The following SYT1 variants were observed in gnomAD, a reference collection of about 807,000 sequenced individuals.
The protein encoded by SYT1 is synaptotagmin 1.
In SYT1, 8 loss-of-function variants were observed where a neutral mutation model predicts 44.8. That is an observed-to-expected ratio of 0.18 (90% confidence interval 0.10 to 0.32). The LOEUF (loss-of-function observed/expected upper bound fraction) is 0.32, where lower values mean the gene tolerates loss of function less well. SYT1 is among the 10% of genes least tolerant of loss of function. The pLI is 1.00. For synonymous variants in SYT1, 154 were observed against 188.8 expected (o/e 0.82, Z 1.51); for missense variants, 286 against 509.3 (o/e 0.56, Z 4.22).
rs3995413 is a variant in SYT1 at position 79,366,894 on chromosome 12, CTGTGTGTGTGTGTG to C, written c.928+13315_928+13328del. 4.9e-3 allele frequency among the ~76,000 whole-genome samples: 572 copies of C among 117,454 alleles called. 3 individuals carry two copies. The highest frequency in any genetic ancestry group is 0.015 in the African/African-American group (460 of 29,692). The allele number at this position is 117,454 out of a possible 152,430, so 77.1% of individuals were successfully genotyped here. On this transcript the variant is annotated intron_variant, in intron 9 of 10. Transcript: ENST00000261205. ...TCCTATATGGCTGATATAAATAATA[CTGTGTGTGTGTGTG>C]TGTGTGTGTGTGTGTGTGTGTGTGT...
intron 3 of SYT1, among the ~76,000 whole-genome samples, chr12:79,122,377 G>T (rs968316843): frequency 6.7e-6 from 1 of 150,170 alleles, no homozygotes; most frequent in Non-Finnish European, 1.5e-5. Context: ...AGCCGGGCGT[G>T]GTAGCGGGCG....
chr12:78,895,506 C>T (rs1054970873), intron 1 of SYT1, among the ~76,000 whole-genome samples: 2 of 151,810 alleles, frequency 1.3e-5, no homozygotes, highest in Admixed American at 6.6e-5. Context: ...TCTATAGACA[C>T]ATTTTCATTT....
chr12:78,971,490 A>G (rs1483915446), intron 1 of SYT1, among the ~76,000 whole-genome samples: 4 of 152,178 alleles, frequency 2.6e-5, no homozygotes, highest in Non-Finnish European at 5.9e-5. Flanking sequence ...TAAATCAGAC[A>G]AGAGAGCTAA....
chr12:79,257,291 T>C (rs1877573809), intron 4 of SYT1, among the ~76,000 whole-genome samples: 1 of 152,226 alleles, frequency 6.6e-6, no homozygotes, highest in Admixed American at 6.5e-5. Flanking sequence ...AAGCTTCATT[T>C]TGATGATTAG....
intron 3 of SYT1, among the ~76,000 whole-genome samples, chr12:79,090,929 C>A (rs1185051042): frequency 6.6e-6 from 1 of 151,942 alleles, no homozygotes; most frequent in Non-Finnish European, 1.5e-5. Flanking sequence ...AAGTGTCAAA[C>A]CTGTCTTTAG....
chr12:79,325,320 G>A (rs543123560), intron 8 of SYT1, among the ~76,000 whole-genome samples: 4 of 152,212 alleles, frequency 2.6e-5, no homozygotes, highest in Non-Finnish European at 5.9e-5. Flanking sequence ...AATGTGATTA[G>A]CACACCTTCC....
intron 9 of SYT1, among the ~76,000 whole-genome samples, chr12:79,440,408 A>G (rs1870343655): frequency 6.6e-6 from 1 of 152,180 alleles, no homozygotes; most frequent in African/African-American, 2.4e-5. Context: ...GAATCCATAC[A>G]TGAGTTCCTG....
chr12:79,410,826 C>CA (rs35244798), intron 9 of SYT1, among the ~76,000 whole-genome samples: 6 of 151,802 alleles, frequency 4.0e-5, no homozygotes, highest in Admixed American at 6.6e-5. Flanking sequence ...GGGGCTGTAT[C>CA]AAAAAAAAGT....
At chr12:79,094,725 A>G (rs1878010273) in intron 3 of SYT1, among the ~76,000 whole-genome samples, 1 of 151,822 alleles carries the variant, frequency 6.6e-6, no homozygotes, top group Admixed American at 6.6e-5. Context: ...ATATAGTTCC[A>G]TTTTAGCTTA....
At chr12:79,437,162 G>A (rs984753196) in intron 9 of SYT1, among the ~76,000 whole-genome samples, 1 of 152,176 alleles carries the variant, frequency 6.6e-6, no homozygotes, top group Non-Finnish European at 1.5e-5. Flanking sequence ...AATAAGTTAG[G>A]ACGGGGCTGT....
At chr12:78,926,392 A>T (rs548965295) in intron 1 of SYT1, among the ~76,000 whole-genome samples, 1 of 152,206 alleles carries the variant, frequency 6.6e-6, no homozygotes, top group South Asian at 2.1e-4. Flanking sequence ...TTTACTAGTG[A>T]TATTCAGTAA....
intron 1 of SYT1, among the ~76,000 whole-genome samples, chr12:78,903,321 T>A (rs1026653759): frequency 6.6e-6 from 1 of 151,810 alleles, no homozygotes; most frequent in African/African-American, 2.4e-5. Flanking sequence ...AGTCTCACTG[T>A]GTCGCTCAGG....
At chr12:79,359,449 C>T (rs893427457) in intron 9 of SYT1, among the ~76,000 whole-genome samples, 2 of 152,134 alleles carry the variant, frequency 1.3e-5, no homozygotes, top group Non-Finnish European at 2.9e-5. Context: ...TGAAATGAAA[C>T]CTGTACTGTG....
chr12:79,342,419 TAG>T (rs1882419803), intron 8 of SYT1, among the ~76,000 whole-genome samples: 1 of 152,076 alleles, frequency 6.6e-6, no homozygotes. Context: ...TTTGTAGAGA[TAG>T]AGTCTGGCTT....
chr12:79,369,458 G>C, intron 9 of SYT1, among the ~76,000 whole-genome samples: 1 of 152,150 alleles, frequency 6.6e-6, no homozygotes, highest in South Asian at 2.1e-4. Context: ...GTGACAAAGC[G>C]AGACTCTGCC....
chr12:79,199,532 C>G (rs956414092), intron 3 of SYT1, among the ~76,000 whole-genome samples: 1 of 152,074 alleles, frequency 6.6e-6, no homozygotes, highest in Non-Finnish European at 1.5e-5. Context: ...TAGAAATGCC[C>G]TATCACCTCT....
intron 2 of SYT1, chr12:78,995,793 T>C (rs1347966988): frequency 1.3e-5 from 2 of 152,338 alleles, no homozygotes; most frequent in East Asian, 3.9e-4. Context: ...CCTGCAGTTG[T>C]TGCTGAGGTT....
At chr12:79,065,758 C>T (rs576084011) in intron 3 of SYT1, among the ~76,000 whole-genome samples, 1 of 152,096 alleles carries the variant, frequency 6.6e-6, no homozygotes, top group Non-Finnish European at 1.5e-5. Flanking sequence ...CAAAATGATA[C>T]AATTTCTCAT....
intron 3 of SYT1, among the ~76,000 whole-genome samples, chr12:79,110,686 A>G: frequency 6.6e-6 from 1 of 152,206 alleles, no homozygotes; most frequent in East Asian, 1.9e-4. Context: ...TTAAAAATTT[A>G]TAGCTAATTG....
Sources: allele counts gnomAD v4.1 joint callset (sites outside exome capture counted in the v4.1 genomes callset), GRCh38; gene constraint gnomAD v4.1.1; transcripts MANE v1.5; gene names NCBI Gene and HGNC (gene_info 2026-07-23, HGNC 2026-07-21).